Variants in PYROXD2 observed in about 807,000 individuals in gnomAD.
PYROXD2 encodes pyridine nucleotide-disulphide oxidoreductase domain 2.
Under a neutral mutation model 71.1 loss-of-function variants are expected in PYROXD2, and 69 were observed. That is an observed-to-expected ratio of 0.97 (90% CI 0.80 to 1.19). The LOEUF (loss-of-function observed/expected upper bound fraction) is 1.19, where lower values mean the gene tolerates loss of function less well. PYROXD2 is among the 50% of genes most tolerant of loss of function. The pLI is 0.00. For missense variants in PYROXD2, 745 were observed against 748.9 expected, an observed-to-expected ratio of 0.99 and a Z score of 0.06; for synonymous variants, 287 against 302.7, an observed-to-expected ratio of 0.95 and a Z score of 0.54.
intron 1 of PYROXD2, among the ~76,000 whole-genome samples, chr10:98,412,852 G>A (rs1006680124): frequency 6.6e-6 from 1 of 152,152 alleles, no homozygotes; most frequent in Non-Finnish European, 1.5e-5. Flanking sequence ...GAGACAGCAG[G>A]GTGAGCTGTG....
rs142788459 is a variant in PYROXD2, at chr10:98,392,587, G to T, written c.928-21C>A. 4.4e-6 allele frequency: 7 copies of T among 1,607,816 alleles called. No homozygotes were observed. The African/African-American group carries it at 6.7e-5, about 15-fold the overall frequency. On this transcript the variant is annotated intron_variant, in intron 9 of 15. Transcript: ENST00000370575. ...ACTGTCTAGAGCCCACCAGAACAAG[G>T]CCCCAGAAACCGCAGGAAGGGAAAT...
Position 98,407,891 on chromosome 10 carries a change from C to T in PYROXD2, c.241+13G>A, listed in dbSNP as rs552357665. On this transcript the variant is annotated intron_variant, in intron 3 of 15. Transcript: ENST00000370575. The stretch of plus-strand genomic sequence containing the variant: ...CACTGCCCTCCACTCCCCCATGCCA[C>T]ATCAGAGCTCACCTGGGATGATCTC... 1.8e-5 allele frequency: 29 copies of T among 1,597,520 alleles called. No homozygotes were observed. In the Admixed American group the frequency reaches 3.4e-4, roughly 19 times the overall value.
intron 6 of PYROXD2, among the ~76,000 whole-genome samples, chr10:98,396,554 C>T (rs1443801669): frequency 6.6e-6 from 1 of 152,178 alleles, no homozygotes; most frequent in Non-Finnish European, 1.5e-5. Context: ...AATGAGCCTT[C>T]CATTCGCATA....
At chr10:98,399,966 T>C in intron 5 of PYROXD2, 136 bp downstream of exon 5, 2 of 1,053,170 alleles carry the variant, frequency 1.9e-6, no homozygotes, top group Non-Finnish European at 2.6e-6. Flanking sequence ...TGCCACCAAC[T>C]GGAGCCCTCC....
chr10:98,385,161 GTTC>G, intron 14 of PYROXD2, 94 bp from the exon 15 acceptor site: 1 of 1,489,098 alleles, frequency 6.7e-7, no homozygotes, highest in Non-Finnish European at 9.1e-7. Flanking sequence ...TTCAGCAAAT[GTTC>G]TTCTCCTTCC....
At chr10:98,391,723 T>C (rs1842950763) in intron 10 of PYROXD2, among the ~76,000 whole-genome samples, 1 of 152,224 alleles carries the variant, frequency 6.6e-6, no homozygotes, top group Non-Finnish European at 1.5e-5. Flanking sequence ...ATGTGATGCT[T>C]GCATGCATGC....
chr10:98,388,233 T>C, intron 13 of PYROXD2, 121 bp downstream of exon 13: 1 of 975,140 alleles, frequency 1.0e-6, no homozygotes, highest in Non-Finnish European at 1.6e-6. Context: ...CTTGACTATT[T>C]CCTCCCTTTG....
chr10:98,390,951 G>A (rs1842927220), intron 11 of PYROXD2, 59 bp downstream of exon 11: 1 of 1,445,764 alleles, frequency 6.9e-7, no homozygotes, highest in African/African-American at 1.4e-5. Flanking sequence ...CCCCAGCCTG[G>A]AGGTTTCTCA....
chr10:98,395,368 C>T (rs757319154), intron 7 of PYROXD2, 23 bp downstream of exon 7: 30 of 1,613,820 alleles, frequency 1.9e-5, no homozygotes, highest in Non-Finnish European at 2.5e-5. Flanking sequence ...CCTGGTCGGG[C>T]CTGAGGCTGG....
intron 4 of PYROXD2, among the ~76,000 whole-genome samples, chr10:98,405,402 T>A (rs756658313): frequency 1.3e-5 from 2 of 152,180 alleles, no homozygotes; most frequent in African/African-American, 4.8e-5. Context: ...TACAGCCTTA[T>A]AAGTGGCAGG....
At chr10:98,395,882 T>C (rs1843153718) in intron 6 of PYROXD2, among the ~76,000 whole-genome samples, 1 of 152,212 alleles carries the variant, frequency 6.6e-6, no homozygotes, top group Admixed American at 6.5e-5. Context: ...TCCATTCCTA[T>C]GACCCTGATT....
At chr10:98,389,241 CT>C (rs1171568343) in intron 12 of PYROXD2, among the ~76,000 whole-genome samples, 1 of 152,042 alleles carries the variant, frequency 6.6e-6, no homozygotes, top group Non-Finnish European at 1.5e-5. Context: ...ACAGTCGCTC[CT>C]TTTTTTGACC....
intron 12 of PYROXD2, among the ~76,000 whole-genome samples, chr10:98,389,336 C>G (rs1034478592): frequency 6.6e-6 from 1 of 152,172 alleles, no homozygotes; most frequent in Non-Finnish European, 1.5e-5. Flanking sequence ...CTCATCACTT[C>G]CCCTGCCCCC....
At chr10:98,389,745 C>T (rs1590935954) in intron 12 of PYROXD2, among the ~76,000 whole-genome samples, 1 of 152,216 alleles carries the variant, frequency 6.6e-6, no homozygotes, top group East Asian at 1.9e-4. Context: ...CCTTCCCTGC[C>T]TATTTTTCTC....
Position 98,408,004 on chromosome 10 carries a change from A to G in PYROXD2, c.148-7T>C. The G allele has an allele frequency of 1.3e-6, 2 of 1,595,870 alleles. No homozygotes were observed. The highest frequency in any genetic ancestry group is 1.7e-6 in the Non-Finnish European group (2 of 1,171,006). On this transcript the variant is annotated splice_polypyrimidine_tract_variant and splice_region_variant and intron_variant, in intron 2 of 15. Coordinates refer to ENST00000370575, the MANE Select transcript of PYROXD2 (RefSeq NM_032709.3). ...GTCTCTGCAGGTACGCTGCCTGGGA[A>G]GTGGGGCAGCACACAGGGCCCTCCC...
intron 13 of PYROXD2, 69 bp from the exon 14 acceptor site, chr10:98,387,376 T>A (rs1842789097): frequency 2.7e-6 from 3 of 1,105,532 alleles, no homozygotes; most frequent in Non-Finnish European, 2.7e-6. Context: ...GTGTACAACT[T>A]GGCAAATTTA....
At chr10:98,404,772 G>A (rs1309948131) in intron 4 of PYROXD2, among the ~76,000 whole-genome samples, 4 of 151,990 alleles carry the variant, frequency 2.6e-5, no homozygotes, top group Non-Finnish European at 5.9e-5. Context: ...TCCTCTTTCA[G>A]AATGACCTGA....
At chr10:98,394,465 G>A (rs1233910085) in intron 8 of PYROXD2, among the ~76,000 whole-genome samples, 1 of 151,654 alleles carries the variant, frequency 6.6e-6, no homozygotes, top group East Asian at 1.9e-4. Context: ...CCACGTCGAC[G>A]CCTTCTAGCT....
intron 14 of PYROXD2, among the ~76,000 whole-genome samples, chr10:98,386,029 C>T (rs1233396117): frequency 6.6e-6 from 1 of 152,060 alleles, no homozygotes; most frequent in East Asian, 1.9e-4. Flanking sequence ...GCAATCCCAG[C>T]ACTTTGGGAG....
Sources: gnomAD v4.1 joint callset for allele counts (sites outside exome capture counted in the v4.1 genomes callset) on GRCh38, gnomAD v4.1.1 for gene constraint, MANE v1.5 for transcripts, NCBI Gene and HGNC (gene_info 2026-07-23, HGNC 2026-07-21) for gene names.